KLKB1: variants seen among roughly 807,000 people sequenced by gnomAD.
KLKB1 encodes kallikrein B1, also known as plasma kallikrein.
In KLKB1, 58 loss-of-function variants were observed where a neutral mutation model predicts 73.6. That is an observed-to-expected ratio of 0.79 (90% CI 0.64 to 0.98). The LOEUF (loss-of-function observed/expected upper bound fraction) is 0.98, where lower values mean the gene tolerates loss of function less well. KLKB1 is among the 50% of genes least tolerant of loss of function. The pLI is 0.00. For missense variants in KLKB1, 737 were observed against 763.8 expected (o/e 0.96, Z 0.41); for synonymous variants, 280 against 258.1 (o/e 1.08, Z -0.81).
At position 186,232,184 on chromosome 4, in the gene KLKB1, T is replaced by G; in HGVS notation, c.116T>G (p.Met39Arg). Residue 39 changes from methionine (M) to arginine (R), a missense_variant, in exon 3 of 15, where the codon ATG (methionine) becomes AGG (arginine). Physicochemically the swap from Met to Arg is moderately conservative, Grantham distance 91 (BLOSUM62 -1). Transcript: ENST00000264690. ...TTCAGAGGTGGGGATGTAGCTTCCA[T>G]GTACACCCCAAATGCCCAATACTGC... The part of the protein sequence containing the change: ...AFFRGGDVAS[M>R]YTPNAQYCQM... 6.2e-7 allele frequency: 1 copy of G among 1,613,730 alleles called. No homozygotes were observed. The highest frequency in any genetic ancestry group is 8.5e-7 in the Non-Finnish European group (1 of 1,179,580).
At chr4:186,250,476 T>G (rs1580028043) in intron 7 of KLKB1, 74 bp downstream of exon 7, 1 of 1,521,640 alleles carries the variant, frequency 6.6e-7, no homozygotes, top group East Asian at 2.2e-5. Flanking sequence ...CTTTCATCAC[T>G]TTTATAGTCT....
chr4:186,256,411 C>T (rs1738995358), intron 13 of KLKB1, among the ~76,000 whole-genome samples: 1 of 152,222 alleles, frequency 6.6e-6, no homozygotes, highest in Non-Finnish European at 1.5e-5. Flanking sequence ...GCGTTCCCGT[C>T]TCCCAAAACC....
rs1054499575 is a variant in KLKB1, at chr4:186,236,720, A to G, written c.329-61A>G. The G allele has an allele frequency of 3.2e-6, 5 of 1,559,184 alleles. No homozygotes were observed. The Admixed American group carries it at 6.7e-5, about 21-fold the overall frequency. On this transcript the variant is annotated intron_variant, in intron 4 of 14. Transcript: ENST00000264690. The stretch of plus-strand genomic sequence containing the variant: ...ACTACCAACCCAAATGGTAGTGGGT[A>G]TCTAATCTACCTCTAGAAAGAAAAT...
At chr4:186,240,179 A>G (rs1737945759) in intron 6 of KLKB1, among the ~76,000 whole-genome samples, 1 of 151,912 alleles carries the variant, frequency 6.6e-6, no homozygotes, top group Admixed American at 6.5e-5. Context: ...TGGTATAGTT[A>G]TAGTTAAAGG....
At chr4:186,253,336 A>G (rs1410058667) in intron 11 of KLKB1, among the ~76,000 whole-genome samples, 1 of 152,240 alleles carries the variant, frequency 6.6e-6, no homozygotes, top group African/African-American at 2.4e-5. Context: ...AGGATTGAAC[A>G]TACTGCCACC....
At chr4:186,233,900 C>T in intron 3 of KLKB1, 52 bp from the exon 4 acceptor site, 2 of 1,256,306 alleles carry the variant, frequency 1.6e-6, no homozygotes. Flanking sequence ...TAGACATTTC[C>T]TCAATGTATG....
At chr4:186,235,372 A>C (rs935563303) in intron 4 of KLKB1, among the ~76,000 whole-genome samples, 2 of 152,214 alleles carry the variant, frequency 1.3e-5, no homozygotes, top group African/African-American at 4.8e-5. Flanking sequence ...AATTGTTCCC[A>C]AGTACATAAA....
chr4:186,218,653 C>CGCGT (rs1736964129), intron 2 of KLKB1, among the ~76,000 whole-genome samples: 1 of 120,044 alleles, frequency 8.3e-6, no homozygotes, highest in South Asian at 3.6e-4. Flanking sequence ...TGTGTGTGTG[C>CGCGT]GCATGTGTGT....
upstream of KLKB1, among the ~76,000 whole-genome samples, chr4:186,222,409 T>A (rs368279281): frequency 6.6e-6 from 1 of 152,204 alleles, no homozygotes; most frequent in Non-Finnish European, 1.5e-5. Context: ...TTCCTTTCTC[T>A]TTATGTTTTG....
intron 6 of KLKB1, among the ~76,000 whole-genome samples, chr4:186,240,279 TGTTATA>T (rs1482167232): frequency 3.9e-5 from 6 of 152,058 alleles, no homozygotes; most frequent in African/African-American, 7.2e-5. Flanking sequence ...ACAGTGATAT[TGTTATA>T]GTTATAGGAC....
chr4:186,216,611 A>G (rs1736908747), intron 2 of KLKB1, among the ~76,000 whole-genome samples: 1 of 152,118 alleles, frequency 6.6e-6, no homozygotes, highest in Non-Finnish European at 1.5e-5. Flanking sequence ...CACGTGTCTA[A>G]GGGGAGGTTC....
At chr4:186,248,993 A>G (rs1392753673) in intron 6 of KLKB1, among the ~76,000 whole-genome samples, 1 of 152,114 alleles carries the variant, frequency 6.6e-6, no homozygotes, top group South Asian at 2.1e-4. Context: ...CTCTGTTTAA[A>G]TCTTTTGGCC....
chr4:186,218,925 A>T (rs1736969483), intron 2 of KLKB1, among the ~76,000 whole-genome samples: 1 of 152,216 alleles, frequency 6.6e-6, no homozygotes, highest in Non-Finnish European at 1.5e-5. Flanking sequence ...GAAAGTCAAC[A>T]GTGCAGCCTT....
In KLKB1 at chr4:186,252,499, CCACCACCAATCT is replaced by C. The variant is rs1271498528; in HGVS notation, c.1313+326_1313+337del. ...CCAATTCCACCACCAATCCTGCCAC[CCACCACCAATCT>C]CACCACCAATCCCACCACCAATCCT... On this transcript the variant is annotated intron_variant, in intron 11 of 14. Coordinates refer to ENST00000264690, the MANE Select transcript of KLKB1 (RefSeq NM_000892.5). 2.1e-4 allele frequency among the ~76,000 whole-genome samples: 32 copies of C among 151,050 alleles called. 1 individual carries two copies. The East Asian group carries it at 6.2e-3, about 29-fold the overall frequency.
chr4:186,257,197 CTCTGAGG>C, intron 13 of KLKB1, 22 bp from the exon 14 acceptor site: 1 of 1,354,016 alleles, frequency 7.4e-7, no homozygotes, highest in Non-Finnish European at 1.0e-6. Flanking sequence ...ATTAACTTCC[CTCTGAGG>C]TTATATATTG....
In KLKB1 at chr4:186,251,774, A is replaced by C; in HGVS notation, c.1057A>C (p.Met353Leu). The change falls in exon 10 of 15, where the codon ATG (methionine) becomes CTG (leucine). Residue 353 changes from methionine (M) to leucine (L), a missense_variant. Transcript: ENST00000264690. ...EKCKCFLRLS[M>L]DGSPTRIAYG... ...GTGTAAGTGTTTCTTAAGATTATCT[A>C]TGGATGGTTCTCCAACTAGGATTGC... 1 of 1,613,866 alleles carries C rather than the reference A, an allele frequency of 6.2e-7. No homozygotes were observed. The highest frequency in any genetic ancestry group is 1.7e-5 in the Admixed American group (1 of 60,026).
At chr4:186,248,393 G>C (rs564119873) in intron 6 of KLKB1, among the ~76,000 whole-genome samples, 2 of 151,950 alleles carry the variant, frequency 1.3e-5, no homozygotes, top group African/African-American at 4.8e-5. Flanking sequence ...TTGACTCTTC[G>C]GGACATTTTA....
chr4:186,236,416 A>G (rs1000222461), intron 4 of KLKB1, among the ~76,000 whole-genome samples: 12 of 152,238 alleles, frequency 7.9e-5, no homozygotes, highest in Non-Finnish European at 1.6e-4. Flanking sequence ...CAGTTTCTTT[A>G]ATAATGCAAA....
chr4:186,221,374 T>G (rs186306758), intron 2 of KLKB1, among the ~76,000 whole-genome samples: 12 of 151,772 alleles, frequency 7.9e-5, no homozygotes, highest in African/African-American at 2.7e-4. Flanking sequence ...TTGCTTCAGG[T>G]GTAAAGTTAG....
Sources: allele counts gnomAD v4.1 joint callset (sites outside exome capture counted in the v4.1 genomes callset), GRCh38; gene constraint gnomAD v4.1.1; transcripts MANE v1.5; gene names NCBI Gene and HGNC (gene_info 2026-07-23, HGNC 2026-07-21).